Variants in FNDC3B observed in about 807,000 individuals in gnomAD.
The protein encoded by FNDC3B is fibronectin type III domain containing 3B.
In FNDC3B, 12 loss-of-function variants were observed where a neutral mutation model predicts 151.5. The ratio of observed to expected loss-of-function variants is 0.08; its 90% CI spans 0.05 to 0.13. FNDC3B has a LOEUF of 0.13. Ranked by LOEUF, FNDC3B falls within the 10% of genes least tolerant of loss-of-function variation. The probability of loss-of-function intolerance (pLI) is 1.00; values close to 1 mark genes in which losing one functional copy is unlikely to be tolerated. For missense variants in FNDC3B, 1,214 were observed against 1,505.3 expected (o/e 0.81, Z 3.20); for synonymous variants, 528 against 549.0 (o/e 0.96, Z 0.54).
intron 13 of FNDC3B, 64 bp downstream of exon 13, chr3:172,330,779 G>A (rs1340504770): frequency 9.2e-6 from 12 of 1,306,794 alleles, no homozygotes; most frequent in East Asian, 7.3e-5. Context: ...ATAGCTACAG[G>A]GCACCATGAA....
At chr3:172,204,337 T>C (rs3923825) in intron 3 of FNDC3B, among the ~76,000 whole-genome samples, 131,369 of 152,168 alleles carry the variant, frequency 0.86, 56,894 homozygotes, top group Middle Eastern at 0.93. Context: ...TTGAAATGCC[T>C]TTATTCTGAC....
At chr3:172,313,824 C>A (rs531469698) in intron 11 of FNDC3B, among the ~76,000 whole-genome samples, 1 of 152,282 alleles carries the variant, frequency 6.6e-6, no homozygotes, top group South Asian at 2.1e-4. Flanking sequence ...GTAACAAGTT[C>A]ATTCCTGCCC....
chr3:172,113,530 C>T (rs1370948197), intron 2 of FNDC3B, among the ~76,000 whole-genome samples: 1 of 152,166 alleles, frequency 6.6e-6, no homozygotes, highest in African/African-American at 2.4e-5. Flanking sequence ...CTATCAACCT[C>T]TTAAGAACAA....
At chr3:172,173,788 C>A (rs1050393434) in intron 3 of FNDC3B, among the ~76,000 whole-genome samples, 7 of 151,390 alleles carry the variant, frequency 4.6e-5, no homozygotes, top group Non-Finnish European at 8.8e-5. Flanking sequence ...GCACTGTGTT[C>A]CTGCTTGGGC....
chr3:172,125,049 G>C (rs1720744643), intron 2 of FNDC3B, among the ~76,000 whole-genome samples: 1 of 152,212 alleles, frequency 6.6e-6, no homozygotes, highest in Non-Finnish European at 1.5e-5. Context: ...GAAAGGTGGA[G>C]CTGCCTGGCT....
At chr3:172,186,130 C>G (rs1277569920) in intron 3 of FNDC3B, among the ~76,000 whole-genome samples, 1 of 152,178 alleles carries the variant, frequency 6.6e-6, no homozygotes, top group Non-Finnish European at 1.5e-5. Context: ...ATGAATTAAG[C>G]ATTCTTAGAA....
chr3:172,263,420 T>G (rs937338351), intron 6 of FNDC3B, among the ~76,000 whole-genome samples: 4 of 152,088 alleles, frequency 2.6e-5, no homozygotes, highest in African/African-American at 9.7e-5. Flanking sequence ...GCCAAGCACA[T>G]TTTTAAAAAA....
intron 16 of FNDC3B, among the ~76,000 whole-genome samples, chr3:172,340,765 C>T (rs1164454621): frequency 6.6e-6 from 1 of 152,170 alleles, no homozygotes; most frequent in Non-Finnish European, 1.5e-5. Flanking sequence ...CCTGAGGCCT[C>T]CTCACACCAG....
At chr3:172,337,289 A>G (rs771671389) in intron 15 of FNDC3B, 41 bp from the exon 16 acceptor site, 1 of 1,350,298 alleles carries the variant, frequency 7.4e-7, no homozygotes, top group Non-Finnish European at 1.1e-6. Flanking sequence ...ATAAAAATCA[A>G]TATCCTTTTA....
At chr3:172,295,605 C>A in intron 8 of FNDC3B, 91 bp downstream of exon 8, 2 of 1,253,492 alleles carry the variant, frequency 1.6e-6, no homozygotes, top group Non-Finnish European at 2.2e-6. Flanking sequence ...ACCTTATAGG[C>A]TTGGCAAATT....
intron 25 of FNDC3B, among the ~76,000 whole-genome samples, chr3:172,384,560 A>G (rs1432060975): frequency 2.0e-5 from 3 of 152,216 alleles, no homozygotes; most frequent in South Asian, 4.1e-4. Context: ...CAGTACATTG[A>G]TCACACATTT....
intron 3 of FNDC3B, among the ~76,000 whole-genome samples, chr3:172,156,877 CG>C (rs1559992911): frequency 6.6e-6 from 1 of 152,046 alleles, no homozygotes. Flanking sequence ...CATCAGATTA[CG>C]GACTATCAGA....
intron 3 of FNDC3B, chr3:172,186,712 A>G: frequency 1.4e-6 from 1 of 702,422 alleles, no homozygotes; most frequent in Non-Finnish European, 2.6e-6. Context: ...CTTTTAACAG[A>G]TGAAGTGGTG....
chr3:172,099,927 C>G (rs531314978), intron 1 of FNDC3B, among the ~76,000 whole-genome samples: 1 of 152,232 alleles, frequency 6.6e-6, no homozygotes, highest in East Asian at 1.9e-4. Context: ...CTGGGAGACC[C>G]TTGGGTACTC....
intron 3 of FNDC3B, among the ~76,000 whole-genome samples, chr3:172,149,959 C>T (rs1198022627): frequency 6.6e-6 from 1 of 151,858 alleles, no homozygotes; most frequent in Non-Finnish European, 1.5e-5. Flanking sequence ...GCTGGGACTT[C>T]AGGTGCCCGT....
At chr3:172,353,566 C>A (rs1382175871) in intron 22 of FNDC3B, among the ~76,000 whole-genome samples, 1 of 152,110 alleles carries the variant, frequency 6.6e-6, no homozygotes, top group Non-Finnish European at 1.5e-5. Flanking sequence ...CTCAGGGGTT[C>A]AACTGAGGGA....
At chr3:172,079,963 A>G (rs1718197598) in intron 1 of FNDC3B, among the ~76,000 whole-genome samples, 1 of 152,224 alleles carries the variant, frequency 6.6e-6, no homozygotes, top group Admixed American at 6.5e-5. Context: ...ACAGGGTCCT[A>G]AAACAAAAAG....
intron 25 of FNDC3B, among the ~76,000 whole-genome samples, chr3:172,381,482 T>C (rs1395364046): frequency 6.6e-6 from 1 of 152,060 alleles, no homozygotes; most frequent in Non-Finnish European, 1.5e-5. Context: ...TTTTTTTTTT[T>C]CATTATACTT....
rs1275070839 is a variant in FNDC3B at position 172,399,524 on chromosome 3, G to C, written c.*2049G>C. 6.6e-6 allele frequency: 1 copy of C among 152,606 alleles called. No homozygotes were observed. The highest frequency in any genetic ancestry group is 1.5e-5 in the Non-Finnish European group (1 of 68,030). The allele number at this position is 152,606 out of a possible 1,614,324, so 9.5% of individuals were successfully genotyped here. A position where few individuals can be genotyped will look rare whatever the true frequency, so the allele number is the denominator to read the frequency against. ...ATATTGACGTAGTGAGTACTAGAGA[G>C]TTCTGTATTTTATTATTGACTATAA... On this transcript the variant is annotated 3_prime_UTR_variant, in exon 26 of 26. Coordinates refer to ENST00000415807, the MANE Select transcript of FNDC3B (RefSeq NM_022763.4).
Sources: allele counts gnomAD v4.1 joint callset (sites outside exome capture counted in the v4.1 genomes callset), GRCh38; gene constraint gnomAD v4.1.1; transcripts MANE v1.5; gene names NCBI Gene and HGNC (gene_info 2026-07-23, HGNC 2026-07-21).